GCNT4: variants seen among roughly 807,000 people sequenced by gnomAD.
GCNT4 encodes the protein glucosaminyl (N-acetyl) transferase 4, also known as beta-1,3-galactosyl-O-glycosyl-glycoprotein beta-1,6-N-acetylglucosaminyltransferase 4.
GCNT4 carries 17 observed loss-of-function variants against 31.3 expected under a neutral mutation model. That is an observed-to-expected ratio of 0.54 (90% confidence interval 0.37 to 0.81). The LOEUF (loss-of-function observed/expected upper bound fraction) is 0.81. GCNT4 is among the 40% of genes least tolerant of loss of function. GCNT4 has a pLI of 0.00. For missense variants in GCNT4, 503 were observed against 525.5 expected, an observed-to-expected ratio of 0.96 and a Z score of 0.42; for synonymous variants, 158 against 190.6, an observed-to-expected ratio of 0.83 and a Z score of 1.41.
upstream of GCNT4, chr5:75,052,943 C>CGA (rs1743615255): frequency 6.6e-6 from 1 of 151,966 alleles, no homozygotes; most frequent in Admixed American, 6.6e-5. Flanking sequence ...CCCCTGCTCC[C>CGA]GGCAAGGGCG....
intron 3 of GCNT4, among the ~76,000 whole-genome samples, chr5:75,041,197 C>T (rs910003542): frequency 3.9e-5 from 6 of 152,208 alleles, no homozygotes; most frequent in African/African-American, 7.2e-5. Context: ...CTAAGGACCA[C>T]GGAACCCACA....
intron 3 of GCNT4, among the ~76,000 whole-genome samples, chr5:75,032,878 T>G (rs573128633): frequency 0.033 from 1,618 of 48,620 alleles, 32 homozygotes; most frequent in Non-Finnish European, 0.039. Context: ...TAGGGGTGTG[T>G]GTGTGTGTGT....
rs1743595415 is a variant in GCNT4, at chr5:75,052,443, T to C, written c.-216A>G. Reference sequence around the variant, plus strand: ...GCCCCGTTTACCTAGCACCGTTTCCTACGTGAAGACTGCAAATGGACTCGA... The same window carrying C: ...GCCCCGTTTACCTAGCACCGTTTCCCACGTGAAGACTGCAAATGGACTCGA... On this transcript the variant is annotated 5_prime_UTR_variant, in exon 1 of 4. Coordinates refer to ENST00000652361, the MANE Select transcript of GCNT4 (RefSeq NM_001366737.1). The C allele has an allele frequency of 6.6e-6, 1 of 152,154 alleles. No homozygotes were observed. Among genetic ancestry groups the C allele is most frequent in the Admixed American group, 6.5e-5 (1 of 15,276 alleles). The allele number at this position is 152,154 out of a possible 1,614,324, so 9.4% of individuals were successfully genotyped here.
Position 75,028,580 on chromosome 5 carries a change from G to A in GCNT4, c.*96C>T. 10 of 1,164,720 alleles carry A rather than the reference G, an allele frequency of 8.6e-6. No individual in the cohort carries two copies. Among genetic ancestry groups the A allele is most frequent in the Non-Finnish European group, 1.2e-5 (10 of 829,220 alleles). The allele number at this position is 1,164,720 out of a possible 1,614,324, so 72.1% of individuals were successfully genotyped here. On this transcript the variant is annotated 3_prime_UTR_variant, in exon 4 of 4. Transcript: ENST00000652361. Reference sequence around the variant, plus strand: ...TTTGGACACCTTTTAAAATATGGGAGGACTGAGTTTAAACAGTATTGGGCA... The same window carrying A: ...TTTGGACACCTTTTAAAATATGGGAAGACTGAGTTTAAACAGTATTGGGCA...
intron 3 of GCNT4, among the ~76,000 whole-genome samples, chr5:75,035,008 C>T (rs1580239079): frequency 2.0e-5 from 1 of 51,226 alleles, no homozygotes; most frequent in African/African-American, 9.5e-5. Context: ...CAGGGACACC[C>T]CAGCTAAGCG....
chr5:75,031,073 T>C (rs1022433341), intron 3 of GCNT4, among the ~76,000 whole-genome samples: 5 of 150,408 alleles, frequency 3.3e-5, no homozygotes, highest in Non-Finnish European at 7.4e-5. Flanking sequence ...AGCAAACTTT[T>C]TCTCTCTTTT....
chr5:75,018,482 A>G, the GCNT4 span, among the ~76,000 whole-genome samples: 3 of 151,994 alleles, frequency 2.0e-5, no homozygotes, highest in South Asian at 6.2e-4. Context: ...GGGTTTCACC[A>G]TTTTGGTCAG....
chr5:75,043,678 A>C (rs1481027228), intron 3 of GCNT4, among the ~76,000 whole-genome samples: 1 of 152,178 alleles, frequency 6.6e-6, no homozygotes, highest in Non-Finnish European at 1.5e-5. Flanking sequence ...CCACTGAACC[A>C]CCACTAGCAA....
intron 3 of GCNT4, among the ~76,000 whole-genome samples, chr5:75,038,790 T>C (rs1169582730): frequency 6.6e-6 from 1 of 152,202 alleles, no homozygotes; most frequent in Non-Finnish European, 1.5e-5. Flanking sequence ...GGTGATTAAA[T>C]TTCAACACAT....
At chr5:75,041,703 A>G (rs370525214) in intron 3 of GCNT4, among the ~76,000 whole-genome samples, 1 of 150,132 alleles carries the variant, frequency 6.7e-6, no homozygotes, top group Non-Finnish European at 1.5e-5. Context: ...CAACAACAAC[A>G]AAAAGAAGCG....
chr5:75,032,419 G>A (rs977575373), intron 3 of GCNT4, among the ~76,000 whole-genome samples: 14 of 152,030 alleles, frequency 9.2e-5, no homozygotes, highest in African/African-American at 3.1e-4. Context: ...TCATCACCTC[G>A]CCTGCGTCTT....
downstream of GCNT4, among the ~76,000 whole-genome samples, chr5:75,023,276 A>T (rs564353045): frequency 3.9e-5 from 6 of 152,370 alleles, no homozygotes; most frequent in African/African-American, 1.4e-4. Context: ...TGAGAATCTG[A>T]AGAGCCATTT....
At chr5:75,041,619 C>T (rs950615169) in intron 3 of GCNT4, among the ~76,000 whole-genome samples, 6 of 152,186 alleles carry the variant, frequency 3.9e-5, no homozygotes, top group African/African-American at 1.4e-4. Context: ...GAGTAACCCA[C>T]ATCAGGATGT....
At chr5:75,030,131 G>T in intron 3 of GCNT4, 93 bp from the exon 4 acceptor site, 1 of 1,125,448 alleles carries the variant, frequency 8.9e-7, no homozygotes, top group Non-Finnish European at 1.3e-6. Flanking sequence ...CACATACTAG[G>T]CAAATGCTGC....
chr5:75,048,060 G>A (rs1580247594), intron 2 of GCNT4, 23 bp from the exon 3 acceptor site: 1 of 152,158 alleles, frequency 6.6e-6, no homozygotes, highest in African/African-American at 2.4e-5. Context: ...ACCATGTGCA[G>A]GAGGACTTTA....
intron 3 of GCNT4, among the ~76,000 whole-genome samples, chr5:75,034,320 G>A (rs1743150842): frequency 6.6e-6 from 1 of 152,208 alleles, no homozygotes; most frequent in Non-Finnish European, 1.5e-5. Flanking sequence ...GAGCAGCACA[G>A]CCCCAGGGGA....
intron 3 of GCNT4, among the ~76,000 whole-genome samples, chr5:75,038,546 G>T (rs1413927194): frequency 1.3e-5 from 2 of 152,156 alleles, no homozygotes; most frequent in South Asian, 2.1e-4. Context: ...TCTAGAAGCT[G>T]GGAAGTCCAA....
rs950892178 is a variant in GCNT4 at position 75,029,608 on chromosome 5, T to C, written c.430A>G (p.Ile144Val). The change falls in exon 4 of 4, where the codon ATT becomes GTT. Residue 144 changes from isoleucine (I) to valine (V), a missense_variant. Ile to Val is a conservative substitution (Grantham distance 29, BLOSUM62 3). Coordinates refer to ENST00000652361, the MANE Select transcript of GCNT4 (RefSeq NM_001366737.1). ...GCATGGATAAGCCTTTCAACCATAATTGCATCTTTGTGGACAACCAAAGAA... is the reference window on the plus strand; with the variant it reads ...GCATGGATAAGCCTTTCAACCATAACTGCATCTTTGTGGACAACCAAAGAA... Reference protein sequence around the residue: ...AYSLVVHKDAIMVERLIHAIY... With the variant: ...AYSLVVHKDAVMVERLIHAIY... 3.1e-6 allele frequency: 5 copies of C among 1,614,176 alleles called. No individual in the cohort carries two copies. The highest frequency in any genetic ancestry group is 2.7e-5 in the African/African-American group (2 of 75,070).
chr5:75,028,828 C>G lies in GCNT4; in HGVS notation c.1210G>C (p.Asp404His). ...AATTTATTAGCAAACCAATGTCCATCTTTGATAAGCCACCTTAATTCTGCA... is the reference window on the plus strand; with the variant it reads ...AATTTATTAGCAAACCAATGTCCATGTTTGATAAGCCACCTTAATTCTGCA... ...GAAELRWLIK[D>H]GHWFANKFDS... The change falls in exon 4 of 4, where the codon GAT becomes CAT. Residue 404 changes from aspartate to histidine, a missense_variant. By Grantham distance (81) the Asp-to-His change is moderately conservative. Coordinates refer to ENST00000652361, the MANE Select transcript of GCNT4 (RefSeq NM_001366737.1). 3.1e-6 allele frequency: 5 copies of G among 1,614,104 alleles called. No homozygotes were observed. The highest frequency in any genetic ancestry group is 1.3e-5 in the African/African-American group (1 of 75,040).
Sources: allele counts gnomAD v4.1 joint callset (sites outside exome capture counted in the v4.1 genomes callset), GRCh38; gene constraint gnomAD v4.1.1; transcripts MANE v1.5; gene names NCBI Gene and HGNC (gene_info 2026-07-23, HGNC 2026-07-21).